Variants in DNAJC1 observed in about 807,000 individuals in gnomAD.
DNAJC1 encodes dnaJ homolog subfamily C member 1.
A neutral mutation model predicts 76.6 loss-of-function variants in DNAJC1; 58 were observed. The observed-to-expected ratio is 0.76, with a 90% CI of 0.61 to 0.94. The LOEUF is 0.94. Ranked by LOEUF, DNAJC1 falls within the 40% of genes least tolerant of loss-of-function variation. The pLI is 0.00. For missense variants in DNAJC1, 689 were observed against 677.3 expected (o/e 1.02, Z -0.19); for synonymous variants, 258 against 267.9 (o/e 0.96, Z 0.36).
intron 9 of DNAJC1, among the ~76,000 whole-genome samples, chr10:21,789,219 C>T (rs981165400): frequency 1.2e-4 from 19 of 152,180 alleles, no homozygotes; most frequent in Non-Finnish European, 2.4e-4. Flanking sequence ...GCCACAACCA[C>T]GAATGTCTAC....
chr10:21,889,158 G>T (rs146399221), intron 7 of DNAJC1, among the ~76,000 whole-genome samples: 1 of 152,184 alleles, frequency 6.6e-6, no homozygotes, highest in South Asian at 2.1e-4. Context: ...TTTCAATCAC[G>T]GCAGAAGGCA....
chr10:21,911,089 C>T lies in DNAJC1; in HGVS notation c.730-6477G>A, dbSNP rs181472951. Among the ~76,000 whole-genome samples the T allele has an allele frequency of 2.6e-3, 310 of 121,128 alleles. 3 individuals carry two copies. The highest frequency in any genetic ancestry group is 9.3e-3 in the African/African-American group (294 of 31,486). The allele number at this position is 121,128 out of a possible 152,430, so 79.5% of individuals were successfully genotyped here. A position where few individuals can be genotyped will look rare whatever the true frequency, so the allele number is the denominator to read the frequency against. ...GAAGGAAGGAAGGAAGGAAGGAAGG[C>T]GGGAAGGCGGGAAGGCGGGCAGGCG... On this transcript the variant is annotated intron_variant, in intron 6 of 11. Coordinates refer to ENST00000376980, the MANE Select transcript of DNAJC1 (RefSeq NM_022365.4).
At chr10:21,837,514 T>C (rs1275381421) in intron 8 of DNAJC1, among the ~76,000 whole-genome samples, 7 of 149,640 alleles carry the variant, frequency 4.7e-5, no homozygotes, top group African/African-American at 1.7e-4. Flanking sequence ...GGAGCGCCTC[T>C]GCCCCACTGC....
At position 21,932,600 on chromosome 10, in the gene DNAJC1, C is replaced by A. The variant is rs183040302; in HGVS notation, c.223-3459G>T. Among the ~76,000 whole-genome samples, 334 of 152,246 alleles carry A rather than the reference C, an allele frequency of 2.2e-3. 3 individuals are homozygous for A. Among genetic ancestry groups the A allele is most frequent in the African/African-American group, 7.7e-3 (318 of 41,546 alleles). ...GTGTCTTAAAGATGCCAACCTAAGG[C>A]CTTGGTTAGGTTCCTGGTGCCAGAG... is the stretch of plus-strand genomic sequence containing the variant. On this transcript the variant is annotated intron_variant, in intron 1 of 11. Transcript: ENST00000376980.
rs140240681 is a variant in DNAJC1 at position 21,789,296 on chromosome 10, G to C, written c.1098+16684C>G. 8.5e-5 allele frequency among the ~76,000 whole-genome samples: 13 copies of C among 152,292 alleles called. 1 individual carries two copies. The East Asian group carries it at 2.5e-3, about 29-fold the overall frequency. The stretch of plus-strand genomic sequence containing the variant: ...AATATAGATGAAAAAGCTGCACAGA[G>C]ACTATACCACTGCACCTACCTGGAA... On this transcript the variant is annotated intron_variant, in intron 9 of 11. Coordinates refer to ENST00000376980, the MANE Select transcript of DNAJC1 (RefSeq NM_022365.4).
At chr10:21,882,486 A>G (rs1470294821) in intron 7 of DNAJC1, 47 bp from the exon 8 acceptor site, 2 of 1,245,350 alleles carry the variant, frequency 1.6e-6, no homozygotes, top group East Asian at 5.5e-5. Context: ...TTAAAGAATA[A>G]AATTAATTTC....
intron 6 of DNAJC1, among the ~76,000 whole-genome samples, chr10:21,908,195 T>TTA (rs1304428430): frequency 1.0e-5 from 1 of 99,332 alleles, no homozygotes; most frequent in Non-Finnish European, 1.9e-5. Flanking sequence ...AAAATATATA[T>TTA]TATATATATA....
At chr10:21,880,383 T>G (rs1333566512) in intron 8 of DNAJC1, among the ~76,000 whole-genome samples, 2 of 152,178 alleles carry the variant, frequency 1.3e-5, no homozygotes, top group Non-Finnish European at 2.9e-5. Context: ...CCAGAAAGTT[T>G]TCAATTTACT....
Position 21,882,405 on chromosome 10 carries a change from A to C in DNAJC1, c.855T>G (p.Phe285Leu), listed in dbSNP as rs760634881. 13 of 1,523,324 alleles carry C rather than the reference A, an allele frequency of 8.5e-6. No individual in the cohort carries two copies. In the Admixed American group the frequency reaches 9.6e-5, roughly 11 times the overall value. 94.4% of individuals were successfully genotyped at this position (1,523,324 alleles called of 1,614,324 possible). A position where few individuals can be genotyped will look rare whatever the true frequency, so the allele number is the denominator to read the frequency against. ...TAGTTTCTAAAGGTGTGTATACAGG[A>C]AATTCAGGTTTTGGTTTTTTAACTT... ...QKKVKKPKPEFPVYTPLETTY... is the reference protein window; with the variant it reads ...QKKVKKPKPELPVYTPLETTY... Residue 285 changes from phenylalanine (F) to leucine (L), a missense_variant, in exon 8 of 12, where the codon TTT becomes TTG. Transcript: ENST00000376980.
At chr10:21,952,970 A>G (rs965067184) in intron 1 of DNAJC1, among the ~76,000 whole-genome samples, 4 of 152,114 alleles carry the variant, frequency 2.6e-5, no homozygotes, top group African/African-American at 9.7e-5. Context: ...ATTATTCAAG[A>G]AGTAGACACT....
chr10:21,905,038 A>T (rs1292977481), intron 6 of DNAJC1, among the ~76,000 whole-genome samples: 5 of 152,136 alleles, frequency 3.3e-5, no homozygotes, highest in Admixed American at 6.6e-5. Context: ...ATTCAAAATT[A>T]TCTTCAAATC....
At chr10:21,777,820 T>C (rs536449677) in intron 9 of DNAJC1, among the ~76,000 whole-genome samples, 43 of 152,358 alleles carry the variant, frequency 2.8e-4, no homozygotes, top group Non-Finnish European at 4.4e-4. Flanking sequence ...GATTTACAAT[T>C]GCATAATGGT....
chr10:21,781,326 C>G (rs1490695954), intron 9 of DNAJC1, among the ~76,000 whole-genome samples: 1 of 152,154 alleles, frequency 6.6e-6, no homozygotes, highest in African/African-American at 2.4e-5. Context: ...CAAAATTGAC[C>G]ACACAGTTGG....
At chr10:21,776,075 G>C (rs1434268228) in intron 9 of DNAJC1, among the ~76,000 whole-genome samples, 1 of 152,034 alleles carries the variant, frequency 6.6e-6, no homozygotes, top group Admixed American at 6.6e-5. Flanking sequence ...GGTAAGGGTA[G>C]AGTGAATGAA....
chr10:21,969,772 A>G (rs572760287), intron 1 of DNAJC1, among the ~76,000 whole-genome samples: 9 of 152,350 alleles, frequency 5.9e-5, no homozygotes, highest in African/African-American at 1.4e-4. Context: ...ATGATTCACT[A>G]TACAGCACCT....
intron 9 of DNAJC1, among the ~76,000 whole-genome samples, chr10:21,787,855 C>T (rs904174675): frequency 1.3e-5 from 2 of 152,230 alleles, no homozygotes; most frequent in Non-Finnish European, 2.9e-5. Flanking sequence ...CAGCTTTGCT[C>T]CCCCAGAGGA....
intron 8 of DNAJC1, among the ~76,000 whole-genome samples, chr10:21,852,073 AAAAT>A (rs958679673): frequency 1.5e-5 from 2 of 136,210 alleles, no homozygotes; most frequent in Admixed American, 7.9e-5. Flanking sequence ...AAAAATAAAA[AAAAT>A]AAAAAATTGT....
intron 1 of DNAJC1, among the ~76,000 whole-genome samples, chr10:21,969,377 A>G (rs1837940802): frequency 6.6e-6 from 1 of 152,178 alleles, no homozygotes; most frequent in South Asian, 2.1e-4. Flanking sequence ...TAAAAAATAA[A>G]TTAACTCATC....
chr10:21,790,286 A>G (rs865875593), intron 9 of DNAJC1, among the ~76,000 whole-genome samples: 2 of 151,970 alleles, frequency 1.3e-5, no homozygotes, highest in Non-Finnish European at 2.9e-5. Flanking sequence ...GAATAGTTGA[A>G]AACTTCCCAA....
Sources: gnomAD v4.1 joint callset for allele counts (sites outside exome capture counted in the v4.1 genomes callset) on GRCh38, gnomAD v4.1.1 for gene constraint, MANE v1.5 for transcripts, NCBI Gene and HGNC (gene_info 2026-07-23, HGNC 2026-07-21) for gene names.